Variants in SCN8A observed in about 807,000 individuals in gnomAD.
SCN8A encodes sodium voltage-gated channel alpha subunit 8.
Under a neutral mutation model 184.1 loss-of-function variants are expected in SCN8A, and 30 were observed. The observed-to-expected ratio is 0.16, with a 90% confidence interval of 0.12 to 0.22. The LOEUF (loss-of-function observed/expected upper bound fraction) is 0.22, where lower values mean the gene tolerates loss of function less well. Among genes scored for constraint, SCN8A ranks in the 10% least tolerant of loss-of-function variants. The pLI is 1.00. For synonymous variants in SCN8A, 852 were observed against 907.0 expected (o/e 0.94, Z 1.09); for missense variants, 1,057 against 2,498.9 (o/e 0.42, Z 12.30).
chr12:51,806,910 G>A lies in SCN8A; in HGVS notation c.5424G>A (p.Leu1808=). The A allele has an allele frequency of 6.2e-7, 1 of 1,613,320 alleles. No individual in the cohort carries two copies. Among genetic ancestry groups the A allele is most frequent in the Non-Finnish European group, 8.5e-7 (1 of 1,179,314 alleles). ...DATQFIEYCK[L]ADFADALEHP... is the part of the protein sequence containing the mutation. ...CCCAGTTCATTGAGTACTGTAAGCT[G>A]GCAGACTTTGCAGATGCCTTGGAGC... is the stretch of plus-strand genomic sequence containing the variant. Residue 1808 remains leucine, a synonymous_variant, in exon 27 of 27, where the codon CTG becomes CTA. Transcript: ENST00000627620. This position sits in a 1 kb window ranked among gnomAD's most constrained non-coding sequence, Gnocchi z 8.7.
chr12:51,804,410 C>A (rs1289976610), intron 26 of SCN8A, among the ~76,000 whole-genome samples: 1 of 151,922 alleles, frequency 6.6e-6, no homozygotes, highest in African/African-American at 2.4e-5. Context: ...CCTCTGCCTC[C>A]CAGGCTCACG....
intron 15 of SCN8A, among the ~76,000 whole-genome samples, chr12:51,764,764 A>C (rs1942812076): frequency 2.0e-5 from 3 of 151,740 alleles, no homozygotes; most frequent in Non-Finnish European, 1.5e-5. Context: ...GAATAACAGT[A>C]TAGGCTCTTT....
chr12:51,732,909 A>C (rs1475976966), intron 12 of SCN8A, among the ~76,000 whole-genome samples: 1 of 151,984 alleles, frequency 6.6e-6, no homozygotes, highest in African/African-American at 2.4e-5. Context: ...TGTTGATTTT[A>C]TGTCCTGCAA....
At chr12:51,735,694 C>T (rs1002278871) in intron 12 of SCN8A, among the ~76,000 whole-genome samples, 4 of 152,116 alleles carry the variant, frequency 2.6e-5, no homozygotes, top group Non-Finnish European at 5.9e-5. Flanking sequence ...GGGTGTTGCT[C>T]GTAACTGTTG....
At chr12:51,697,946 G>A (rs779971119) in intron 6 of SCN8A, among the ~76,000 whole-genome samples, 32 of 152,230 alleles carry the variant, frequency 2.1e-4, no homozygotes, top group Admixed American at 3.9e-4. Context: ...CCCCCGCACC[G>A]GGTTCAAGTG....
At chr12:51,593,168 G>A (rs1939268934) in intron 1 of SCN8A, among the ~76,000 whole-genome samples, 1 of 152,116 alleles carries the variant, frequency 6.6e-6, no homozygotes, top group Non-Finnish European at 1.5e-5. Flanking sequence ...GGATTTGGTT[G>A]CTGGTTGGTG....
intron 1 of SCN8A, among the ~76,000 whole-genome samples, chr12:51,613,771 T>G (rs1335785377): frequency 6.6e-6 from 1 of 152,162 alleles, no homozygotes; most frequent in African/African-American, 2.4e-5. Context: ...TTACAAATTT[T>G]GATATGTTGA....
intron 12 of SCN8A, among the ~76,000 whole-genome samples, chr12:51,739,740 C>G (rs1942387802): frequency 6.6e-6 from 1 of 152,154 alleles, no homozygotes; most frequent in East Asian, 1.9e-4. Flanking sequence ...TTTGAGCCCC[C>G]ACGAATGGAC....
chr12:51,780,259 G>A (rs2138890646), intron 20 of SCN8A: 1 of 456,354 alleles, frequency 2.2e-6, no homozygotes. Context: ...TGCAGAGACT[G>A]TAAAGGGCGA....
In SCN8A at chr12:51,789,560, C is replaced by T. The variant is rs190743774; in HGVS notation, c.4419+142C>T. On this transcript the variant is annotated intron_variant, in intron 24 of 26. Transcript: ENST00000627620. ...GCTCACTGTGACCCTGGCCCCCATA[C>T]GTTAGCCCCAACCCACTCTTTCTGT... The T allele has an allele frequency of 9.1e-5, 85 of 931,590 alleles. No homozygotes were observed. The East Asian group carries it at 1.9e-3, about 21-fold the overall frequency. 57.7% of individuals were successfully genotyped at this position (931,590 alleles called of 1,614,324 possible).
intron 5 of SCN8A, among the ~76,000 whole-genome samples, 175 bp downstream of exon 5, chr12:51,687,394 G>A (rs1291666400): frequency 6.6e-6 from 1 of 152,174 alleles, no homozygotes; most frequent in Non-Finnish European, 1.5e-5. Flanking sequence ...AGGGCCTCTT[G>A]TGGTTCAGGC....
intron 2 of SCN8A, among the ~76,000 whole-genome samples, chr12:51,683,963 T>C (rs951736902): frequency 6.6e-6 from 1 of 152,182 alleles, no homozygotes; most frequent in African/African-American, 2.4e-5. Context: ...ACTGCCAAGA[T>C]TGCATCAGCT....
At chr12:51,792,447 C>G (rs1297266107) in intron 25 of SCN8A, among the ~76,000 whole-genome samples, 4 of 143,144 alleles carry the variant, frequency 2.8e-5, no homozygotes, top group African/African-American at 1.1e-4. Flanking sequence ...CTATATCATG[C>G]CACTGCACTC....
At chr12:51,716,711 C>T (rs1400645812) in intron 11 of SCN8A, among the ~76,000 whole-genome samples, 1 of 152,140 alleles carries the variant, frequency 6.6e-6, no homozygotes, top group Non-Finnish European at 1.5e-5. Context: ...TTTTCCTGGC[C>T]ATATTTCTCC....
At chr12:51,742,045 C>G (rs1352426954) in intron 12 of SCN8A, among the ~76,000 whole-genome samples, 2 of 152,158 alleles carry the variant, frequency 1.3e-5, no homozygotes, top group African/African-American at 4.8e-5. Context: ...ACACTGATTG[C>G]ATAAACAAAC....
intron 13 of SCN8A, among the ~76,000 whole-genome samples, chr12:51,746,852 C>T (rs547858246): frequency 6.6e-6 from 1 of 152,234 alleles, no homozygotes; most frequent in Non-Finnish European, 1.5e-5. Flanking sequence ...GATTTCCTCT[C>T]CCAAGATTCT....
intron 2 of SCN8A, 62 bp downstream of exon 2, chr12:51,663,155 G>C: frequency 1.3e-6 from 2 of 1,564,858 alleles, no homozygotes; most frequent in Non-Finnish European, 1.7e-6. Context: ...AGGGAGATGG[G>C]GGAGAAAGAA....
intron 1 of SCN8A, among the ~76,000 whole-genome samples, chr12:51,644,113 A>G (rs978905337): frequency 6.6e-6 from 1 of 152,208 alleles, no homozygotes; most frequent in African/African-American, 2.4e-5. Flanking sequence ...AATCTTGGTA[A>G]TCCTGTCAGA....
intron 1 of SCN8A, among the ~76,000 whole-genome samples, chr12:51,642,773 C>G (rs563325677): frequency 2.0e-5 from 3 of 151,336 alleles, no homozygotes; most frequent in African/African-American, 7.3e-5. Flanking sequence ...ATTTGAGCAC[C>G]ACTACAGCTA....
Sources: gnomAD v4.1 joint callset for allele counts (sites outside exome capture counted in the v4.1 genomes callset) on GRCh38, gnomAD v4.1.1 for gene constraint, Gnocchi (gnomAD v3.1) non-coding constraint, MANE v1.5 for transcripts, NCBI Gene and HGNC (gene_info 2026-07-23, HGNC 2026-07-21) for gene names.